Variants in MAPK8IP3 observed in about 807,000 individuals in gnomAD.
The protein encoded by MAPK8IP3 is C-Jun-amino-terminal kinase-interacting protein 3.
Under a neutral mutation model 157.8 loss-of-function variants are expected in MAPK8IP3, and 49 were observed. The observed-to-expected ratio is 0.31, with a 90% CI of 0.25 to 0.39. The LOEUF is 0.39. Ranked by LOEUF, MAPK8IP3 falls within the 10% of genes least tolerant of loss-of-function variation. The probability of loss-of-function intolerance (pLI) is 1.00; values close to 1 mark genes in which losing one functional copy is unlikely to be tolerated. For synonymous variants in MAPK8IP3, 897 were observed against 777.7 expected, an observed-to-expected ratio of 1.15 and a Z score of -2.55; for missense variants, 1,478 against 1,889.4, an observed-to-expected ratio of 0.78 and a Z score of 4.04.
intron 4 of MAPK8IP3, among the ~76,000 whole-genome samples, chr16:1,740,186 G>A (rs1199799716): frequency 2.3e-5 from 3 of 129,866 alleles, no homozygotes; most frequent in Non-Finnish European, 3.2e-5. Context: ...GTGACCGTTC[G>A]TGTGAGTGTG....
intron 2 of MAPK8IP3, among the ~76,000 whole-genome samples, chr16:1,728,793 G>A (rs1416504156): frequency 5.0e-5 from 7 of 139,258 alleles, no homozygotes; most frequent in Admixed American, 2.2e-4. Context: ...CCATGGCACA[G>A]CGCACACAGC....
At chr16:1,762,206 C>A in intron 13 of MAPK8IP3, 145 bp from the exon 14 acceptor site, 1 of 1,113,510 alleles carries the variant, frequency 9.0e-7, no homozygotes, top group South Asian at 1.7e-5. Context: ...CCCCGCTTGC[C>A]GACACCCCTC....
Position 1,729,586 on chromosome 16 carries a change from G to A in MAPK8IP3, c.602+8G>A, listed in dbSNP as rs2039149670. ...CAGCCTGCCGGGGCGGAGGTACGCG[G>A]GGCGCGGCGGGGTGGAGGTACGCGG... On this transcript the variant is annotated splice_region_variant and intron_variant, in intron 4 of 31. Transcript: ENST00000610761. 6.3e-7 allele frequency: 1 copy of A among 1,582,924 alleles called. No homozygotes were observed. Among genetic ancestry groups the A allele is most frequent in the East Asian group, 2.3e-5 (1 of 44,026 alleles).
chr16:1,732,231 A>G (rs1023098963), intron 4 of MAPK8IP3, among the ~76,000 whole-genome samples: 2 of 152,184 alleles, frequency 1.3e-5, no homozygotes, highest in Non-Finnish European at 2.9e-5. Flanking sequence ...GAGCTGGGGC[A>G]GCTGGAAGGG....
rs1442863862 is a variant in MAPK8IP3 at position 1,747,057 on chromosome 16, G to A, written c.776G>A (p.Gly259Asp). 6.2e-7 allele frequency: 1 copy of A among 1,613,600 alleles called. No individual in the cohort carries two copies. The highest frequency in any genetic ancestry group is 1.3e-5 in the African/African-American group (1 of 75,056). The change falls in exon 6 of 32, where the codon GGC (glycine) becomes GAC (aspartate). Residue 259 changes from glycine (G) to aspartate (D), a missense_variant. Transcript: ENST00000610761. Reference sequence around the variant, plus strand: ...CCACAGGATGAAATGTCCGAGTCAGGCCAGTCCTCGGCGGCCGCCACACCC... The same window carrying A: ...CCACAGGATGAAATGTCCGAGTCAGACCAGTCCTCGGCGGCCGCCACACCC... The part of the protein sequence containing the change: ...QCPQDEMSES[G>D]QSSAAATPST...
intron 6 of MAPK8IP3, among the ~76,000 whole-genome samples, chr16:1,747,818 G>A (rs941870286): frequency 6.6e-6 from 1 of 151,696 alleles, no homozygotes; most frequent in South Asian, 2.1e-4. Flanking sequence ...ATCGCCCCAC[G>A]GCACACAGTC....
In MAPK8IP3 at chr16:1,748,225, C is replaced by G. The variant is rs753313743; in HGVS notation, c.995-19C>G. ...CCAGACCCTCTCCTGACCCCAGGTG[C>G]CCCTGTGCTCTCCCCTAGGCATGGG... is the stretch of plus-strand genomic sequence containing the variant. On this transcript the variant is annotated intron_variant, in intron 6 of 31. Transcript: ENST00000610761. 1.3e-6 allele frequency: 2 copies of G among 1,590,712 alleles called. No homozygotes were observed. The highest frequency in any genetic ancestry group is 1.3e-5 in the African/African-American group (1 of 74,434).
At chr16:1,720,264 G>A (rs1336801727) in intron 1 of MAPK8IP3, among the ~76,000 whole-genome samples, 8 of 152,206 alleles carry the variant, frequency 5.3e-5, no homozygotes, top group Admixed American at 5.2e-4. Context: ...TTGAACTCCT[G>A]ACCTCAGGTG....
chr16:1,724,737 G>A lies in MAPK8IP3; in HGVS notation c.439+60G>A. 6.3e-7 allele frequency: 1 copy of A among 1,579,382 alleles called. No homozygotes were observed. The highest frequency in any genetic ancestry group is 8.6e-7 in the Non-Finnish European group (1 of 1,159,664). On this transcript the variant is annotated intron_variant, in intron 2 of 31. Transcript: ENST00000610761. This position sits in a 1 kb window ranked among gnomAD's most constrained non-coding sequence, Gnocchi z 4.1. The stretch of plus-strand genomic sequence containing the variant: ...ATGGGCGCTGCTCTGGGACGGCTCT[G>A]GTTGGGGTGGGCATGGAGCGCCTTC...
intron 13 of MAPK8IP3, among the ~76,000 whole-genome samples, chr16:1,761,968 C>T (rs553163930): frequency 2.6e-5 from 4 of 152,192 alleles, no homozygotes; most frequent in Non-Finnish European, 5.9e-5. Context: ...GGGGTGGGCA[C>T]GGGCAGGGGG....
chr16:1,739,629 AG>A (rs2040488092), intron 4 of MAPK8IP3, among the ~76,000 whole-genome samples: 1 of 103,396 alleles, frequency 9.7e-6, no homozygotes. Flanking sequence ...CGTCCGTGTG[AG>A]CTTCCGTGTG....
At position 1,760,410 on chromosome 16, in the gene MAPK8IP3, G is replaced by A; in HGVS notation, c.1335G>A (p.Leu445=). The change falls in exon 12 of 32, where the codon CTG becomes CTA. Residue 445 remains leucine, a synonymous_variant. Coordinates refer to ENST00000610761, the MANE Select transcript of MAPK8IP3 (RefSeq NM_001318852.2). ...CCTTGAATGTGGTGAAGAATGACCT[G>A]ATTGCCAAGGTCGACCAGCTGTCCG... The part of the protein sequence containing the change: ...KNALNVVKND[L]IAKVDQLSGE... 1 of 1,613,780 alleles carries A rather than the reference G, an allele frequency of 6.2e-7. No individual in the cohort carries two copies. The highest frequency in any genetic ancestry group is 8.5e-7 in the Non-Finnish European group (1 of 1,179,796).
In MAPK8IP3 at chr16:1,759,945, C is replaced by T. The variant is rs1329425931; in HGVS notation, c.1247-13C>T. 2 of 1,613,526 alleles carry T rather than the reference C, an allele frequency of 1.2e-6. No homozygotes were observed. Among genetic ancestry groups the T allele is most frequent in the African/African-American group, 1.3e-5 (1 of 74,934 alleles). On this transcript the variant is annotated splice_polypyrimidine_tract_variant and intron_variant, in intron 10 of 31. Transcript: ENST00000610761. ...GAAGGGCACAGGTGAAACCTCCGCA[C>T]CTTCTGTTTCAGGAATGGGCAAAGA...
In MAPK8IP3 at chr16:1,742,820, G is replaced by A. The variant is rs547296557; in HGVS notation, c.603-512G>A. Among the ~76,000 whole-genome samples the A allele has an allele frequency of 6.6e-6, 1 of 152,272 alleles. No homozygotes were observed. Among genetic ancestry groups the A allele is most frequent in the East Asian group, 1.9e-4 (1 of 5,170 alleles). On this transcript the variant is annotated intron_variant, in intron 4 of 31. Coordinates refer to ENST00000610761, the MANE Select transcript of MAPK8IP3 (RefSeq NM_001318852.2). This position sits in a 1 kb window ranked among gnomAD's most constrained non-coding sequence, Gnocchi z 5.0. ...GGTGTCTAAAGCACACCCGGCTTGT[G>A]TCTGTTTAAAATTGAACTTAGGCCG...
chr16:1,721,668 T>G (rs2038531631), intron 1 of MAPK8IP3, among the ~76,000 whole-genome samples: 1 of 152,226 alleles, frequency 6.6e-6, no homozygotes, highest in African/African-American at 2.4e-5. Context: ...ATCTAACTCC[T>G]GGAGTCAATC....
chr16:1,740,658 G>A (rs1174986097), intron 4 of MAPK8IP3, among the ~76,000 whole-genome samples: 1 of 152,204 alleles, frequency 6.6e-6, no homozygotes, highest in Non-Finnish European at 1.5e-5. Flanking sequence ...CTGTGCTGTC[G>A]CTGCCGTGTG....
chr16:1,764,989 C>T, intron 19 of MAPK8IP3, 24 bp from the exon 20 acceptor site: 5 of 1,590,130 alleles, frequency 3.1e-6, no homozygotes, highest in Non-Finnish European at 4.3e-6. Context: ...CGGGCTCTGA[C>T]CTTGATCCCG....
chr16:1,747,192 A>G lies in MAPK8IP3; in HGVS notation c.911A>G (p.Lys304Arg). 1.2e-6 allele frequency: 2 copies of G among 1,613,866 alleles called. No homozygotes were observed. Among genetic ancestry groups the G allele is most frequent in the Non-Finnish European group, 1.7e-6 (2 of 1,180,022 alleles). The change falls in exon 6 of 32, where the codon AAG becomes AGG. Residue 304 changes from lysine (K) to arginine (R), a missense_variant. This residue lies in a region of MAPK8IP3 where 315 missense variants were observed against 394.4 expected (regional missense o/e 0.80). Coordinates refer to ENST00000610761, the MANE Select transcript of MAPK8IP3 (RefSeq NM_001318852.2). ...QPLGDYGVGS[K>R]NSKRAREKRD... ...CTGGGGGACTATGGCGTGGGCTCCA[A>G]GAACAGCAAGCGTGCCCGGGAGAAG...
intron 13 of MAPK8IP3, among the ~76,000 whole-genome samples, chr16:1,762,009 G>A (rs974994291): frequency 2.6e-5 from 4 of 152,186 alleles, no homozygotes; most frequent in African/African-American, 7.2e-5. Context: ...CTCGCCGGCT[G>A]TTCTGGGCTG....
Sources: allele counts gnomAD v4.1 joint callset (sites outside exome capture counted in the v4.1 genomes callset), GRCh38; gene constraint gnomAD v4.1.1; regional missense constraint gnomAD v4.1.1; non-coding constraint Gnocchi (gnomAD v3.1); transcripts MANE v1.5; gene names NCBI Gene and HGNC (gene_info 2026-07-23, HGNC 2026-07-21).